Variants in MBP observed in about 807,000 individuals in gnomAD.
MBP encodes Golli-MBP.
In MBP, 16 loss-of-function variants were observed where a neutral mutation model predicts 35.8. The ratio of observed to expected loss-of-function variants is 0.45; its 90% CI spans 0.30 to 0.68. MBP has a LOEUF of 0.68. Among genes scored for constraint, MBP ranks in the 30% least tolerant of loss-of-function variants. The pLI is 0.08. For synonymous variants in MBP, 143 were observed against 159.6 expected (o/e 0.90, Z 0.78); for missense variants, 380 against 404.7 (o/e 0.94, Z 0.52).
At chr18:77,051,922 G>C (rs1973504211) in intron 3 of MBP, among the ~76,000 whole-genome samples, 1 of 152,142 alleles carries the variant, frequency 6.6e-6, no homozygotes, top group Non-Finnish European at 1.5e-5. Context: ...GTAGAAGCGA[G>C]GCCCAGCTCC....
At chr18:77,070,743 G>A (rs1309331203) in intron 2 of MBP, among the ~76,000 whole-genome samples, 1 of 152,112 alleles carries the variant, frequency 6.6e-6, no homozygotes, top group Non-Finnish European at 1.5e-5. Flanking sequence ...AACTCGAGAG[G>A]TCCACCCTCT....
chr18:77,128,231 G>A (rs1022107736), intron 1 of MBP, among the ~76,000 whole-genome samples: 2 of 152,230 alleles, frequency 1.3e-5, no homozygotes, highest in African/African-American at 2.4e-5. Context: ...GGACATGCTT[G>A]CCAACCCGGA....
chr18:77,081,554 G>A (rs536794582), intron 2 of MBP, among the ~76,000 whole-genome samples: 37 of 152,196 alleles, frequency 2.4e-4, no homozygotes, highest in Middle Eastern at 3.4e-3. Flanking sequence ...AGCTGCTGGT[G>A]AGGATGTGGT....
chr18:77,088,600 T>C (rs1019666244), intron 2 of MBP, among the ~76,000 whole-genome samples: 3 of 152,254 alleles, frequency 2.0e-5, no homozygotes, highest in Admixed American at 2.0e-4. Context: ...TTGTAAATCA[T>C]TAGCATTGGG....
intron 7 of MBP, chr18:76,986,941 G>A: frequency 1.0e-6 from 1 of 985,418 alleles, no homozygotes; most frequent in South Asian, 4.7e-5. Context: ...AAGAGAAAGT[G>A]GGGGCTCTCT....
intron 1 of MBP, among the ~76,000 whole-genome samples, chr18:77,118,063 T>C (rs1296120515): frequency 5.0e-5 from 1 of 19,836 alleles, no homozygotes; most frequent in African/African-American, 2.3e-4. Flanking sequence ...TGGGGCGGGA[T>C]GGGGACAGTG....
intron 1 of MBP, among the ~76,000 whole-genome samples, chr18:77,130,660 A>G (rs1202429213): frequency 6.6e-6 from 1 of 151,940 alleles, no homozygotes. Flanking sequence ...AGAAATAGAA[A>G]CATCACAAGA....
intron 8 of MBP, 135 bp downstream of exon 8, chr18:76,984,640 G>T: frequency 8.1e-7 from 1 of 1,236,204 alleles, no homozygotes; most frequent in Non-Finnish European, 1.2e-6. Context: ...GCCCCTGCAC[G>T]CCTGCTGGGA....
At chr18:76,987,051 G>A in intron 7 of MBP, 1 of 985,466 alleles carries the variant, frequency 1.0e-6, no homozygotes, top group Non-Finnish European at 1.2e-6. Flanking sequence ...AAATTCAACA[G>A]ACATTAGTAG....
rs181359227 is a variant in MBP at position 77,017,638 on chromosome 18, T to C, written c.140-370A>G. 195 of 193,144 alleles carry C rather than the reference T, an allele frequency of 1.0e-3. 2 individuals carry two copies. Among genetic ancestry groups the C allele is most frequent in the African/African-American group, 4.4e-3 (189 of 43,252 alleles). The allele number at this position is 193,144 out of a possible 1,614,324, so 12.0% of individuals were successfully genotyped here. ...AGGCACCTTGATGGGACATTGACTG[T>C]TTAAAAGGCCACTGGTGCATAAGTT... On this transcript the variant is annotated intron_variant, in intron 3 of 8. Coordinates refer to ENST00000355994, the MANE Select transcript of MBP (RefSeq NM_001025101.2).
At chr18:77,105,963 C>A (rs1031760713) in intron 1 of MBP, among the ~76,000 whole-genome samples, 13 of 152,246 alleles carry the variant, frequency 8.5e-5, no homozygotes, top group African/African-American at 2.9e-4. Context: ...GAGCCACACC[C>A]ATTCCAAGCA....
At chr18:77,053,944 G>A (rs1423624495) in intron 3 of MBP, among the ~76,000 whole-genome samples, 1 of 152,240 alleles carries the variant, frequency 6.6e-6, no homozygotes, top group African/African-American at 2.4e-5. Flanking sequence ...TGTGACAGAG[G>A]TGACTGTACT....
intron 2 of MBP, among the ~76,000 whole-genome samples, chr18:77,072,005 T>C (rs1000382569): frequency 3.3e-5 from 5 of 152,118 alleles, no homozygotes; most frequent in African/African-American, 1.2e-4. Flanking sequence ...AATCTTATAC[T>C]CGACTGACCT....
At chr18:76,991,741 C>G (rs1360377638) in intron 4 of MBP, among the ~76,000 whole-genome samples, 5 of 152,212 alleles carry the variant, frequency 3.3e-5, no homozygotes, top group African/African-American at 1.2e-4. Context: ...GGCATGCTGG[C>G]TGCGCCCCGT....
intron 3 of MBP, among the ~76,000 whole-genome samples, chr18:77,034,437 T>A (rs992949102): frequency 1.3e-5 from 2 of 152,178 alleles, no homozygotes; most frequent in Non-Finnish European, 2.9e-5. Context: ...CAGTTGAGCC[T>A]GACCCAGAGA....
Position 76,988,127 on chromosome 18 carries a change from G to C in MBP, c.750+368C>G. On this transcript the variant is annotated intron_variant, in intron 7 of 8. Coordinates refer to ENST00000355994, the MANE Select transcript of MBP (RefSeq NM_001025101.2). This position sits in a 1 kb window ranked among gnomAD's most constrained non-coding sequence, Gnocchi z 5.2. The stretch of plus-strand genomic sequence containing the variant: ...GCCAGCCAGTCCCACTTCCACATGC[G>C]GGTTCCTGGGGCTTCTCGCACTGGT... 6.6e-7 allele frequency: 1 copy of C among 1,522,914 alleles called. No homozygotes were observed. Among genetic ancestry groups the C allele is most frequent in the Non-Finnish European group, 8.8e-7 (1 of 1,138,048 alleles). 94.3% of individuals were successfully genotyped at this position (1,522,914 alleles called of 1,614,324 possible).
rs555052687 is a variant in MBP, at chr18:76,984,665, G to T, written c.870+110C>A. ...GCCTGCTGGGACAGAGCACGTCCAG[G>T]GTACAGTGCGGCTGAGCCAGAGGCG... On this transcript the variant is annotated intron_variant, in intron 8 of 8. Coordinates refer to ENST00000355994, the MANE Select transcript of MBP (RefSeq NM_001025101.2). 12 of 1,466,320 alleles carry T rather than the reference G, an allele frequency of 8.2e-6. 1 individual carries two copies. Among genetic ancestry groups the T allele is most frequent in the Middle Eastern group, 2.3e-4 (1 of 4,308 alleles). The allele number at this position is 1,466,320 out of a possible 1,614,324, so 90.8% of individuals were successfully genotyped here.
At chr18:77,122,648 T>G (rs1166899001) in intron 1 of MBP, among the ~76,000 whole-genome samples, 1 of 152,214 alleles carries the variant, frequency 6.6e-6, no homozygotes, top group Non-Finnish European at 1.5e-5. Flanking sequence ...GTTCAAGCAG[T>G]TCTCCTGCCT....
At chr18:77,126,845 G>A (rs1431882845) in intron 1 of MBP, among the ~76,000 whole-genome samples, 1 of 152,188 alleles carries the variant, frequency 6.6e-6, no homozygotes, top group Non-Finnish European at 1.5e-5. Context: ...TTCAGAATCT[G>A]TGCACTGAAA....
Sources: allele counts gnomAD v4.1 joint callset (sites outside exome capture counted in the v4.1 genomes callset), GRCh38; gene constraint gnomAD v4.1.1; non-coding constraint Gnocchi (gnomAD v3.1); transcripts MANE v1.5; gene names NCBI Gene and HGNC (gene_info 2026-07-23, HGNC 2026-07-21).